Variants in GALNT9 observed in about 807,000 individuals in gnomAD.
GALNT9 encodes the protein polypeptide N-acetylgalactosaminyltransferase 9.
A neutral mutation model predicts 63.1 loss-of-function variants in GALNT9; 47 were observed. The observed-to-expected ratio is 0.75, with a 90% CI of 0.59 to 0.95. GALNT9 has a LOEUF of 0.95. Among genes scored for constraint, GALNT9 ranks in the 40% least tolerant of loss-of-function variants. The pLI is 0.00. For synonymous variants in GALNT9, 396 were observed against 365.7 expected (o/e 1.08, Z -0.94); for missense variants, 829 against 874.8 (o/e 0.95, Z 0.66).
intron 2 of GALNT9, among the ~76,000 whole-genome samples, chr12:132,270,720 G>GGCCACA (rs1287631178): frequency 1.3e-5 from 2 of 152,114 alleles, no homozygotes; most frequent in African/African-American, 2.4e-5. Context: ...ACACGGCCAC[G>GGCCACA]GCCACAGCCA....
intron 9 of GALNT9, 52 bp from the exon 10 acceptor site, chr12:132,198,011 A>ACTGGG: frequency 6.8e-7 from 1 of 1,470,928 alleles, no homozygotes; most frequent in Non-Finnish European, 9.4e-7. Context: ...GGCTCTCCCC[A>ACTGGG]GTGAGCACTG....
At chr12:132,281,051 G>C (rs1389415983) in intron 2 of GALNT9, among the ~76,000 whole-genome samples, 4 of 152,206 alleles carry the variant, frequency 2.6e-5, no homozygotes, top group African/African-American at 7.2e-5. Flanking sequence ...GCCGCCTGCA[G>C]CCAGTGGTTC....
intron 3 of GALNT9, 91 bp downstream of exon 3, chr12:132,262,368 G>A (rs1317636158): frequency 1.2e-5 from 18 of 1,452,954 alleles, no homozygotes; most frequent in Non-Finnish European, 1.5e-5. Flanking sequence ...GTCCTCTGTC[G>A]CTCTGCCCCC....
intron 1 of GALNT9, among the ~76,000 whole-genome samples, chr12:132,300,840 C>G (rs1162397862): frequency 6.6e-6 from 1 of 152,238 alleles, no homozygotes; most frequent in African/African-American, 2.4e-5. Context: ...GATAACCAAC[C>G]CACTCCTGAG....
intron 5 of GALNT9, among the ~76,000 whole-genome samples, chr12:132,254,732 TTC>T (rs1879049124): frequency 6.6e-6 from 1 of 152,212 alleles, no homozygotes; most frequent in South Asian, 2.1e-4. Context: ...TTCATCTTCT[TTC>T]TCTTGAAATA....
intron 6 of GALNT9, among the ~76,000 whole-genome samples, chr12:132,218,113 A>G (rs1175304310): frequency 6.6e-6 from 1 of 151,260 alleles, no homozygotes; most frequent in African/African-American, 2.4e-5. Flanking sequence ...TTGCCCACCT[A>G]GCGACCATCT....
At chr12:132,239,499 G>A (rs1878148265) in intron 6 of GALNT9, among the ~76,000 whole-genome samples, 1 of 150,822 alleles carries the variant, frequency 6.6e-6, no homozygotes, top group Non-Finnish European at 1.5e-5. Context: ...CAGAGAGACA[G>A]AGAGAGACAC....
chr12:132,301,420 T>C (rs562595895), intron 1 of GALNT9, among the ~76,000 whole-genome samples: 1 of 152,198 alleles, frequency 6.6e-6, no homozygotes, highest in Non-Finnish European at 1.5e-5. Flanking sequence ...GAATGGTCCA[T>C]ACGAGAACCA....
At chr12:132,261,209 C>T (rs1437468059) in intron 3 of GALNT9, 87 bp from the exon 4 acceptor site, 88 of 1,524,612 alleles carry the variant, frequency 5.8e-5, no homozygotes, top group Non-Finnish European at 7.0e-5. Context: ...CTGCGTGCCG[C>T]GTGTGGGATG....
rs57471643 is a variant in GALNT9 at position 132,287,059 on chromosome 12, G to GC, written c.239-630dup. Among the ~76,000 whole-genome samples, 13 of 80,534 alleles carry GC rather than the reference G, an allele frequency of 1.6e-4. 1 individual carries two copies. Among genetic ancestry groups the GC allele is most frequent in the South Asian group, 5.6e-4 (1 of 1,784 alleles). 52.8% of individuals were successfully genotyped at this position (80,534 alleles called of 152,430 possible). A position where few individuals can be genotyped will look rare whatever the true frequency, so the allele number is the denominator to read the frequency against. ...ACAGCAGGTGTGACACTGAGTGAGCGCCCCCCCCCCCCCCCGTGAGCCACA... is the reference window on the plus strand; with the variant it reads ...ACAGCAGGTGTGACACTGAGTGAGCGCCCCCCCCCCCCCCCCGTGAGCCACA... On this transcript the variant is annotated intron_variant, in intron 1 of 10. Transcript: ENST00000328957.
chr12:132,262,425 C>G (rs782216703), intron 3 of GALNT9, 34 bp downstream of exon 3: 1 of 1,529,934 alleles, frequency 6.5e-7, no homozygotes, highest in Non-Finnish European at 8.8e-7. Flanking sequence ...GGCAGCCGCC[C>G]GGCGAGCACC....
In GALNT9 at chr12:132,315,651, C is replaced by T. The variant is rs1261076869; in HGVS notation, c.238+13315G>A. On this transcript the variant is annotated intron_variant, in intron 1 of 10. Coordinates refer to ENST00000328957, the MANE Select transcript of GALNT9 (RefSeq NM_001122636.2). The surrounding 1 kb of genome is among the most constrained non-coding windows in gnomAD (Gnocchi z 6.1). ...TCTGAGAAGGTCGCGTCTTCTGGGC[C>T]AGTCTCTGTGAAGGCCACCAGTTCG... Among the ~76,000 whole-genome samples, 2 of 152,208 alleles carry T rather than the reference C, an allele frequency of 1.3e-5. No individual in the cohort carries two copies. Among genetic ancestry groups the T allele is most frequent in the Admixed American group, 1.3e-4 (2 of 15,284 alleles).
chr12:132,223,118 GACACCCCACAC>G (rs1270728973), intron 6 of GALNT9, among the ~76,000 whole-genome samples: 32 of 21,934 alleles, frequency 1.5e-3, no homozygotes, highest in African/African-American at 5.9e-3. Context: ...TCGCACCCCA[GACACCCCACAC>G]ACACCCCACA....
intron 1 of GALNT9, among the ~76,000 whole-genome samples, chr12:132,295,112 G>A (rs1283627197): frequency 1.3e-5 from 2 of 152,370 alleles, no homozygotes; most frequent in East Asian, 3.9e-4. Flanking sequence ...GGGGTCACAG[G>A]AGCGGCCGGT....
rs2136896501 is a variant in GALNT9, at chr12:132,239,153, T to C, written c.1077+8757A>G. Among the ~76,000 whole-genome samples, 6 of 151,018 alleles carry C rather than the reference T, an allele frequency of 4.0e-5. No homozygotes were observed. In the East Asian group the frequency reaches 1.2e-3, roughly 29 times the overall value. ...ATGTGGGGGTGGGGGCCACACAGCA[T>C]TGACATCTGTCAGAACCCAGGAGCT... On this transcript the variant is annotated intron_variant, in intron 6 of 10. Transcript: ENST00000328957.
At chr12:132,278,249 A>T (rs1313104604) in intron 2 of GALNT9, 5 of 152,106 alleles carry the variant, frequency 3.3e-5, no homozygotes, top group African/African-American at 1.2e-4. Flanking sequence ...GCCACGTCGC[A>T]CTCTCTGGGT....
chr12:132,256,999 G>A (rs1202685437), intron 5 of GALNT9, among the ~76,000 whole-genome samples: 3 of 152,152 alleles, frequency 2.0e-5, no homozygotes, highest in South Asian at 2.1e-4. Flanking sequence ...GAGCTGGAAC[G>A]GGGGGCTTCA....
intron 1 of GALNT9, among the ~76,000 whole-genome samples, chr12:132,323,743 G>A (rs1051353189): frequency 2.6e-5 from 4 of 152,246 alleles, no homozygotes; most frequent in East Asian, 1.9e-4. Context: ...GGCTCTGGCC[G>A]TGGGTAGTAA....
Position 132,305,273 on chromosome 12 carries a change from GCACACCCTCGCCCGGA to G in GALNT9, c.239-18859_239-18844del, listed in dbSNP as rs1468763708. ...ATCGCCCAGACACACCCTCACCGGG[GCACACCCTCGCCCGGA>G]CACGCCCTCACCGGGGCACACCCTC... On this transcript the variant is annotated intron_variant, in intron 1 of 10. Transcript: ENST00000328957. Among the ~76,000 whole-genome samples the G allele has an allele frequency of 8.0e-5, 4 of 49,782 alleles. 1 individual carries two copies. The highest frequency in any genetic ancestry group is 1.3e-4 in the Non-Finnish European group (4 of 30,406). 32.7% of individuals were successfully genotyped at this position (49,782 alleles called of 152,430 possible). A position where few individuals can be genotyped will look rare whatever the true frequency, so the allele number is the denominator to read the frequency against.
Sources: gnomAD v4.1 joint callset for allele counts (sites outside exome capture counted in the v4.1 genomes callset) on GRCh38, gnomAD v4.1.1 for gene constraint, Gnocchi (gnomAD v3.1) non-coding constraint, MANE v1.5 for transcripts, NCBI Gene and HGNC (gene_info 2026-07-23, HGNC 2026-07-21) for gene names.